The following ADAMTS9 variants were observed in gnomAD, a reference collection of about 807,000 sequenced individuals.
ADAMTS9 encodes the protein A disintegrin and metalloproteinase with thrombospondin motifs 9.
Under a neutral mutation model 257.1 loss-of-function variants are expected in ADAMTS9, and 107 were observed. That is an observed-to-expected ratio of 0.42 (90% CI 0.36 to 0.49). ADAMTS9 has a LOEUF of 0.49. ADAMTS9 is among the 20% of genes least tolerant of loss of function. The pLI is 0.03. For missense variants in ADAMTS9, 2,353 were observed against 2,469.1 expected (o/e 0.95, Z 1.00); for synonymous variants, 982 against 880.9 (o/e 1.11, Z -2.03).
intron 35 of ADAMTS9, 37 bp downstream of exon 35, chr3:64,541,283 C>G (rs1327853765): frequency 3.1e-6 from 5 of 1,613,876 alleles, no homozygotes; most frequent in Middle Eastern, 1.6e-4. Flanking sequence ...CCAGGGATCT[C>G]CAGGCCTCTG....
intron 11 of ADAMTS9, among the ~76,000 whole-genome samples, chr3:64,643,858 G>A (rs1021787680): frequency 2.6e-5 from 4 of 151,224 alleles, no homozygotes; most frequent in African/African-American, 7.3e-5. Flanking sequence ...AGTTCATGTC[G>A]ACATTTTAAC....
At chr3:64,565,583 CT>C (rs1408661690) in intron 29 of ADAMTS9, 2 of 152,198 alleles carry the variant, frequency 1.3e-5, no homozygotes, top group Non-Finnish European at 2.9e-5. Flanking sequence ...TCATTCTAAT[CT>C]GATAATTTAT....
chr3:64,633,301 C>T lies in ADAMTS9; in HGVS notation c.2175+171G>A, dbSNP rs982689989. On this transcript the variant is annotated intron_variant, in intron 14 of 39. Coordinates refer to ENST00000498707, the MANE Select transcript of ADAMTS9 (RefSeq NM_182920.2). ...GGCTCCCAAACTTTGGCACTACACG[C>T]ATCAGAAAAAAGTGATATTGATGCT... 3.3e-4 allele frequency among the ~76,000 whole-genome samples: 50 copies of T among 152,076 alleles called. 1 individual carries two copies. The highest frequency in any genetic ancestry group is 1.2e-3 in the African/African-American group (49 of 41,414).
chr3:64,666,767 G>A (rs1391977567), intron 3 of ADAMTS9, among the ~76,000 whole-genome samples: 2 of 152,212 alleles, frequency 1.3e-5, no homozygotes, highest in East Asian at 3.8e-4. Flanking sequence ...ATAATTATTA[G>A]TGGTATTGTT....
chr3:64,636,778 G>A (rs1700510277), intron 12 of ADAMTS9, among the ~76,000 whole-genome samples: 1 of 152,160 alleles, frequency 6.6e-6, no homozygotes, highest in Admixed American at 6.5e-5. Context: ...CACCCACATT[G>A]TCTGTTTGTT....
chr3:64,615,861 C>T, intron 20 of ADAMTS9, 99 bp downstream of exon 20: 1 of 1,416,558 alleles, frequency 7.1e-7, no homozygotes, highest in Non-Finnish European at 9.9e-7. Context: ...ACGGTCATCT[C>T]TTCCGCACAG....
chr3:64,560,582 T>C (rs1245626361), intron 30 of ADAMTS9, among the ~76,000 whole-genome samples: 1 of 152,176 alleles, frequency 6.6e-6, no homozygotes, highest in Non-Finnish European at 1.5e-5. Flanking sequence ...TGACACAGAT[T>C]CTGTGAACCT....
intron 12 of ADAMTS9, among the ~76,000 whole-genome samples, chr3:64,637,772 T>A (rs535153890): frequency 1.3e-5 from 2 of 152,370 alleles, no homozygotes; most frequent in African/African-American, 4.8e-5. Flanking sequence ...TTATGAAGAA[T>A]GCTGAAAGGC....
intron 28 of ADAMTS9, among the ~76,000 whole-genome samples, chr3:64,573,793 G>A (rs80203635): frequency 0.027 from 4,163 of 152,302 alleles, 193 homozygotes; most frequent in African/African-American, 0.091. Flanking sequence ...CTGCATGAGC[G>A]TCACACTGTT....
intron 30 of ADAMTS9, among the ~76,000 whole-genome samples, chr3:64,551,540 C>G (rs1228328842): frequency 2.6e-5 from 4 of 152,128 alleles, no homozygotes; most frequent in Non-Finnish European, 4.4e-5. Context: ...AGTTACCTAA[C>G]AACTCTGTTC....
At chr3:64,569,268 G>A (rs761620644) in intron 28 of ADAMTS9, among the ~76,000 whole-genome samples, 1 of 152,202 alleles carries the variant, frequency 6.6e-6, no homozygotes, top group African/African-American at 2.4e-5. Context: ...ACAGCTTCTT[G>A]TAAAACAGGC....
chr3:64,547,511 G>GGTT (rs1456528679), intron 31 of ADAMTS9, among the ~76,000 whole-genome samples: 2 of 44,416 alleles, frequency 4.5e-5, no homozygotes, highest in South Asian at 1.3e-3. Context: ...CCTGGCTATA[G>GGTT]ATTTTTTTTT....
chr3:64,687,393 T>C lies in ADAMTS9; in HGVS notation c.115+150A>G. The C allele has an allele frequency of 1.4e-6, 1 of 706,576 alleles. No individual in the cohort carries two copies. The highest frequency in any genetic ancestry group is 3.0e-5 in the East Asian group (1 of 32,926). 43.8% of individuals were successfully genotyped at this position (706,576 alleles called of 1,614,324 possible). On this transcript the variant is annotated intron_variant, in intron 1 of 39. Coordinates refer to ENST00000498707, the MANE Select transcript of ADAMTS9 (RefSeq NM_182920.2). The surrounding 1 kb of genome is among the most constrained non-coding windows in gnomAD (Gnocchi z 4.4). ...TCCCTCCCTAGCAATTGGTTGGGGA[T>C]GACCCAAAGAAGGGAGAGGCTGCAA...
chr3:64,549,263 T>C (rs1234999855), intron 31 of ADAMTS9, among the ~76,000 whole-genome samples: 2 of 152,228 alleles, frequency 1.3e-5, no homozygotes, highest in African/African-American at 4.8e-5. Flanking sequence ...GCTTCCTTTT[T>C]TCTTTTCAAT....
At chr3:64,556,089 G>C (rs1329774132) in intron 30 of ADAMTS9, among the ~76,000 whole-genome samples, 3 of 152,084 alleles carry the variant, frequency 2.0e-5, no homozygotes, top group African/African-American at 7.2e-5. Context: ...TAACTTTTCT[G>C]TGTTAAGGAG....
intron 16 of ADAMTS9, among the ~76,000 whole-genome samples, chr3:64,628,042 C>T (rs1157250748): frequency 6.6e-6 from 1 of 152,106 alleles, no homozygotes; most frequent in African/African-American, 2.4e-5. Context: ...TCTCGACTTT[C>T]ACACTCAGTG....
intron 38 of ADAMTS9, among the ~76,000 whole-genome samples, chr3:64,529,572 G>A (rs914113161): frequency 5.2e-4 from 79 of 152,152 alleles, no homozygotes; most frequent in Admixed American, 3.5e-3. Context: ...ACAGGCCCTC[G>A]GGGGCCAGAT....
intron 2 of ADAMTS9, among the ~76,000 whole-genome samples, chr3:64,682,511 A>C (rs966178363): frequency 2.6e-5 from 4 of 152,160 alleles, no homozygotes; most frequent in African/African-American, 9.7e-5. Context: ...TTACAAGAAC[A>C]CTGAAAAATT....
At chr3:64,533,375 G>A in intron 37 of ADAMTS9, 105 bp from the exon 38 acceptor site, 1 of 885,288 alleles carries the variant, frequency 1.1e-6, no homozygotes, top group Non-Finnish European at 1.8e-6. Flanking sequence ...AGAGAAGGAT[G>A]TTGATTAATT....
Sources: allele counts gnomAD v4.1 joint callset (sites outside exome capture counted in the v4.1 genomes callset), GRCh38; gene constraint gnomAD v4.1.1; non-coding constraint Gnocchi (gnomAD v3.1); transcripts MANE v1.5; gene names NCBI Gene and HGNC (gene_info 2026-07-23, HGNC 2026-07-21).